The following ZNF675 variants were observed in gnomAD, a reference collection of about 807,000 sequenced individuals.
ZNF675 encodes the protein TRAF6 inhibitory zinc finger.
In ZNF675, 36 loss-of-function variants were observed where a neutral mutation model predicts 56.1. The ratio of observed to expected loss-of-function variants is 0.64; its 90% CI spans 0.49 to 0.85. The LOEUF (loss-of-function observed/expected upper bound fraction) is 0.85, where lower values mean the gene tolerates loss of function less well. Ranked by LOEUF, ZNF675 falls within the 40% of genes least tolerant of loss-of-function variation. The pLI is 0.00. For synonymous variants in ZNF675, 200 were observed against 218.9 expected (o/e 0.91, Z 0.76); for missense variants, 663 against 654.2 (o/e 1.01, Z -0.15).
intron 1 of ZNF675, among the ~76,000 whole-genome samples, chr19:23,669,487 G>A (rs550646793): frequency 0.018 from 177 of 9,814 alleles, no homozygotes; most frequent in Admixed American, 0.028. Context: ...ACGGTGGTGG[G>A]GGGGTGGGGG....
At chr19:23,666,474 C>A (rs772274376) in intron 1 of ZNF675, among the ~76,000 whole-genome samples, 2 of 152,228 alleles carry the variant, frequency 1.3e-5, no homozygotes, top group Non-Finnish European at 2.9e-5. Context: ...TAGGGGATAT[C>A]TGAACCCAAG....
intron 3 of ZNF675, among the ~76,000 whole-genome samples, chr19:23,659,671 C>G (rs1466499669): frequency 6.6e-6 from 1 of 152,098 alleles, no homozygotes; most frequent in Non-Finnish European, 1.5e-5. Context: ...CTACAGGATC[C>G]CTGTTCTTAA....
At chr19:23,676,902 G>A (rs1025555198) in intron 1 of ZNF675, among the ~76,000 whole-genome samples, 23 of 151,252 alleles carry the variant, frequency 1.5e-4, no homozygotes, top group African/African-American at 4.9e-4. Context: ...GTGAAACTCC[G>A]TCTCTACTAA....
At position 23,653,917 on chromosome 19, in the gene ZNF675, G is replaced by C. The variant is rs777897862; in HGVS notation, c.1016C>G (p.Pro339Arg). Residue 339 changes from proline (P) to arginine (R), a missense_variant, in exon 4 of 4, where the codon CCC becomes CGC. Physicochemically the swap from Pro to Arg is moderately radical, Grantham distance 103. Transcript: ENST00000359788. Reference protein sequence around the residue: ...THKRIHTGEKPYKCEECGKAF... With the variant: ...THKRIHTGEKRYKCEECGKAF... The stretch of plus-strand genomic sequence containing the variant: ...TTTTCCACATTCTTCACATTTGTAG[G>C]GTTTTTCTCCAGTATGAATTCTCTT... 1.2e-6 allele frequency: 2 copies of C among 1,613,334 alleles called. No homozygotes were observed. The highest frequency in any genetic ancestry group is 1.7e-6 in the Non-Finnish European group (2 of 1,179,504).
intron 1 of ZNF675, among the ~76,000 whole-genome samples, chr19:23,681,516 A>G (rs1968376211): frequency 6.6e-6 from 1 of 151,748 alleles, no homozygotes. Context: ...CCAGAGTTCC[A>G]TTCCAGGCCA....
At chr19:23,666,714 C>T (rs1968154866) in intron 1 of ZNF675, among the ~76,000 whole-genome samples, 1 of 150,554 alleles carries the variant, frequency 6.6e-6, no homozygotes, top group African/African-American at 2.4e-5. Flanking sequence ...GAGGTAGGCC[C>T]AAAGTATTGG....
At position 23,654,640 on chromosome 19, in the gene ZNF675, A is replaced by C. The variant is rs1395007984; in HGVS notation, c.293T>G (p.Val98Gly). The C allele has an allele frequency of 6.3e-7, 1 of 1,598,784 alleles. No individual in the cohort carries two copies. The highest frequency in any genetic ancestry group is 8.5e-7 in the Non-Finnish European group (1 of 1,174,688). The change falls in exon 4 of 4, where the codon GTG becomes GGG. Residue 98 changes from valine to glycine, a missense_variant. Coordinates refer to ENST00000359788, the MANE Select transcript of ZNF675 (RefSeq NM_138330.3). ...ACATTTTTCATATCTTCTCAGTGTC[A>C]CTTTTTCAAAAGAATCTTTTATGTT... ...EQNIKDSFEK[V>G]TLRRYEKCGN... is the part of the protein sequence containing the mutation.
rs1967952313 is a variant in ZNF675, at chr19:23,654,277, TTA to T, written c.654_655del (p.His218GlnfsTer7). ...GAGTTTCTCACAAGTATAAATTCTT[TTA>T]TGTTTAGTAAGCTTTGAAGATTGGT... is the stretch of plus-strand genomic sequence containing the variant. On this transcript the variant is annotated frameshift_variant, in exon 4 of 4. Transcript: ENST00000359788. LOFTEE classifies it high-confidence loss of function. The T allele has an allele frequency of 2.5e-6, 4 of 1,612,016 alleles. No homozygotes were observed. The highest frequency in any genetic ancestry group is 3.4e-6 in the Non-Finnish European group (4 of 1,179,558).
chr19:23,657,047 CCAT>C (rs1967994980), intron 3 of ZNF675: 1 of 152,060 alleles, frequency 6.6e-6, no homozygotes, highest in Non-Finnish European at 1.5e-5. Context: ...TAATCCTGCA[CCAT>C]CAATCTCCCA....
At chr19:23,660,806 ATTTG>A (rs1968066111) in intron 3 of ZNF675, among the ~76,000 whole-genome samples, 2 of 152,208 alleles carry the variant, frequency 1.3e-5, no homozygotes, top group South Asian at 4.1e-4. Flanking sequence ...TTCCAGTGGC[ATTTG>A]TTTTTCACAG....
chr19:23,658,466 GGTCAGGA>G (rs1223568460), intron 3 of ZNF675: 1 of 151,910 alleles, frequency 6.6e-6, no homozygotes, highest in African/African-American at 2.4e-5. Flanking sequence ...TGGATCACGA[GGTCAGGA>G]GTTCAAGACC....
At chr19:23,669,521 AT>A (rs1968201516) in intron 1 of ZNF675, among the ~76,000 whole-genome samples, 1 of 151,922 alleles carries the variant, frequency 6.6e-6, no homozygotes, top group Non-Finnish European at 1.5e-5. Context: ...GAAATGTATT[AT>A]TGCTGAAGTT....
intron 1 of ZNF675, among the ~76,000 whole-genome samples, chr19:23,685,895 A>G (rs2144803926): frequency 6.6e-6 from 1 of 152,300 alleles, no homozygotes; most frequent in Non-Finnish European, 1.5e-5. Flanking sequence ...TGAAAAATGC[A>G]GGGGAAAATC....
At chr19:23,661,676 C>CA (rs1284630107) in intron 3 of ZNF675, among the ~76,000 whole-genome samples, 3 of 151,604 alleles carry the variant, frequency 2.0e-5, no homozygotes, top group Non-Finnish European at 2.9e-5. Context: ...GGCTACAGAG[C>CA]AAGACTCTGT....
At chr19:23,679,072 CAGG>C (rs1329735946) in intron 1 of ZNF675, among the ~76,000 whole-genome samples, 1 of 140,136 alleles carries the variant, frequency 7.1e-6, no homozygotes, top group Non-Finnish European at 1.5e-5. Context: ...GAGGCTGAGG[CAGG>C]AGAATGGCAT....
At chr19:23,685,682 T>C (rs1195364038) in intron 1 of ZNF675, among the ~76,000 whole-genome samples, 2 of 152,198 alleles carry the variant, frequency 1.3e-5, no homozygotes, top group East Asian at 1.9e-4. Context: ...TTAAGTGCCA[T>C]TCAATGTCAA....
At position 23,653,882 on chromosome 19, in the gene ZNF675, G is replaced by A. The variant is rs774789583; in HGVS notation, c.1051C>T (p.Arg351Ter). ...TTATGTTCAGTAAGTTTTGAGGATC[G>A]GTTAAAAGCTTTTCCACATTCTTCA... ...KCEECGKAFN[R>*]SSKLTEHKNI... is the part of the protein sequence containing the mutation. The change falls in exon 4 of 4, where the codon CGA becomes TGA. Residue 351 changes from arginine to a stop codon, truncating the protein, a stop_gained. Transcript: ENST00000359788. LOFTEE classifies it high-confidence loss of function. 2.9e-5 allele frequency: 47 copies of A among 1,613,578 alleles called. No individual in the cohort carries two copies. The highest frequency in any genetic ancestry group is 9.3e-5 in the African/African-American group (7 of 74,868).
intron 2 of ZNF675, 135 bp from the exon 3 acceptor site, chr19:23,662,344 T>A (rs1401703514): frequency 1.8e-6 from 1 of 564,362 alleles, no homozygotes; most frequent in African/African-American, 2.0e-5. Context: ...ATAACAGAAA[T>A]TTTTAAATAC....
In ZNF675 at chr19:23,653,645, C is replaced by G; in HGVS notation, c.1288G>C (p.Gly430Arg). The G allele has an allele frequency of 6.2e-7, 1 of 1,613,662 alleles. No individual in the cohort carries two copies. Among genetic ancestry groups the G allele is most frequent in the Non-Finnish European group, 8.5e-7 (1 of 1,179,978 alleles). ...TTTGAGGATCGGTTAAAAGCTTTGC[C>G]ACATTCTTCACATTTGTAGGGTTTC... ...GEKPYKCEEC[G>R]KAFNRSSKLT... The change falls in exon 4 of 4, where the codon GGC becomes CGC. Residue 430 changes from glycine (G) to arginine (R), a missense_variant. Physicochemically the swap from Gly to Arg is moderately radical, Grantham distance 125 (BLOSUM62 -2). Transcript: ENST00000359788.
Sources: allele counts gnomAD v4.1 joint callset (sites outside exome capture counted in the v4.1 genomes callset), GRCh38; gene constraint gnomAD v4.1.1; transcripts MANE v1.5; gene names NCBI Gene and HGNC (gene_info 2026-07-23, HGNC 2026-07-21).